The following SH3GL3 variants were observed in gnomAD, a reference collection of about 807,000 sequenced individuals.
SH3GL3 encodes SH3 domain containing GRB2 like 3, endophilin A3.
A neutral mutation model predicts 47.7 loss-of-function variants in SH3GL3; 33 were observed. The ratio of observed to expected loss-of-function variants is 0.69; its 90% CI spans 0.52 to 0.92. The LOEUF (loss-of-function observed/expected upper bound fraction) is 0.92. SH3GL3 is among the 40% of genes least tolerant of loss of function. The probability of loss-of-function intolerance (pLI) is 0.00; values close to 1 mark genes in which losing one functional copy is unlikely to be tolerated. For synonymous variants in SH3GL3, 155 were observed against 148.8 expected, an observed-to-expected ratio of 1.04 and a Z score of -0.30; for missense variants, 363 against 417.8, an observed-to-expected ratio of 0.87 and a Z score of 1.14.
At chr15:83,504,334 A>G (rs911153724) in intron 1 of SH3GL3, among the ~76,000 whole-genome samples, 1 of 152,220 alleles carries the variant, frequency 6.6e-6, no homozygotes, top group African/African-American at 2.4e-5. Context: ...AAGAAGCCAC[A>G]ATTGTGGTAG....
intron 6 of SH3GL3, among the ~76,000 whole-genome samples, chr15:83,579,210 A>G (rs1419112908): frequency 6.6e-6 from 1 of 152,236 alleles, no homozygotes; most frequent in Non-Finnish European, 1.5e-5. Flanking sequence ...CAGCAGAAGT[A>G]AGAGCTGGTT....
intron 6 of SH3GL3, among the ~76,000 whole-genome samples, chr15:83,585,355 C>T (rs1480500280): frequency 6.6e-6 from 1 of 152,168 alleles, no homozygotes; most frequent in African/African-American, 2.4e-5. Context: ...TTGCCCCCTT[C>T]CTGTTCCCCA....
intron 8 of SH3GL3, among the ~76,000 whole-genome samples, chr15:83,613,122 A>G (rs1344133112): frequency 6.6e-6 from 1 of 152,218 alleles, no homozygotes; most frequent in Non-Finnish European, 1.5e-5. Flanking sequence ...GTCCGGCTGC[A>G]TGTATAATTC....
Position 83,522,833 on chromosome 15 carries a change from G to A in SH3GL3, c.46-36420G>A, listed in dbSNP as rs1003056379. ...AAAAAGTCTGTGTAGGCTAGAGCAAGTTCAGTTGAAAACCTATTTTTAAAA... is the reference window on the plus strand; with the variant it reads ...AAAAAGTCTGTGTAGGCTAGAGCAAATTCAGTTGAAAACCTATTTTTAAAA... On this transcript the variant is annotated intron_variant, in intron 1 of 8. Coordinates refer to ENST00000427482, the MANE Select transcript of SH3GL3 (RefSeq NM_003027.5). Among the ~76,000 whole-genome samples, 29 of 152,150 alleles carry A rather than the reference G, an allele frequency of 1.9e-4. 2 individuals carry two copies. The highest frequency in any genetic ancestry group is 7.4e-5 in the Non-Finnish European group (5 of 68,024).
the SH3GL3 span, among the ~76,000 whole-genome samples, chr15:83,626,006 T>A: frequency 1.3e-5 from 2 of 152,200 alleles, no homozygotes; most frequent in African/African-American, 4.8e-5. Flanking sequence ...CTAATTTTTA[T>A]ATTTTTAGTA....
Position 83,526,858 on chromosome 15 carries a change from G to A in SH3GL3, c.46-32395G>A, listed in dbSNP as rs556746752. On this transcript the variant is annotated intron_variant, in intron 1 of 8. Coordinates refer to ENST00000427482, the MANE Select transcript of SH3GL3 (RefSeq NM_003027.5). Reference sequence around the variant, plus strand: ...TTCTTCTAACTCATGATCATAGGATGTCTTTCCATTTGCTTGTGTCCTCTT... The same window carrying A: ...TTCTTCTAACTCATGATCATAGGATATCTTTCCATTTGCTTGTGTCCTCTT... 2.0e-5 allele frequency among the ~76,000 whole-genome samples: 3 copies of A among 152,222 alleles called. No homozygotes were observed. The East Asian group carries it at 5.8e-4, about 29-fold the overall frequency.
At chr15:83,450,705 CT>C (rs71156082) in intron 1 of SH3GL3, among the ~76,000 whole-genome samples, 35,364 of 82,256 alleles carry the variant, frequency 0.43, 5,677 homozygotes, top group Middle Eastern at 0.52. Context: ...CCAAATTTTT[CT>C]TTTTTTTTTT....
intron 6 of SH3GL3, among the ~76,000 whole-genome samples, chr15:83,577,870 G>T (rs1161172903): frequency 1.3e-5 from 2 of 152,256 alleles, no homozygotes; most frequent in Non-Finnish European, 2.9e-5. Context: ...AGACTGAAAA[G>T]TACTTGGCAA....
At chr15:83,600,750 G>A (rs2060359385) in intron 8 of SH3GL3, among the ~76,000 whole-genome samples, 1 of 152,106 alleles carries the variant, frequency 6.6e-6, no homozygotes, top group Admixed American at 6.5e-5. Flanking sequence ...TTTTGATGAT[G>A]GGAATTGCAC....
intron 1 of SH3GL3, among the ~76,000 whole-genome samples, chr15:83,526,304 C>T (rs1452808007): frequency 1.3e-5 from 2 of 152,172 alleles, no homozygotes; most frequent in African/African-American, 4.8e-5. Flanking sequence ...GCCCAGCAAT[C>T]CCATTACTGG....
chr15:83,463,767 C>CTTTTTTTTTTT (rs910419812), intron 1 of SH3GL3, among the ~76,000 whole-genome samples: 1 of 122,924 alleles, frequency 8.1e-6, no homozygotes, highest in Non-Finnish European at 1.7e-5. Context: ...TTCTTTCTTT[C>CTTTTTTTTTTT]TTTTTTTTTT....
chr15:83,565,664 AT>A (rs2045499127), intron 3 of SH3GL3: 1 of 152,452 alleles, frequency 6.6e-6, no homozygotes, highest in Non-Finnish European at 1.5e-5. Flanking sequence ...GGCTGCTTAA[AT>A]CCAGTGTCAC....
chr15:83,486,513 T>C (rs2041604046), intron 1 of SH3GL3, among the ~76,000 whole-genome samples: 2 of 152,246 alleles, frequency 1.3e-5, no homozygotes, highest in Non-Finnish European at 2.9e-5. Context: ...TTTTGTGTTT[T>C]GCTTCTTTTA....
intron 1 of SH3GL3, among the ~76,000 whole-genome samples, chr15:83,506,214 T>G (rs1031251875): frequency 6.6e-6 from 1 of 152,252 alleles, no homozygotes; most frequent in Admixed American, 6.5e-5. Flanking sequence ...GGTTTTATTT[T>G]TATGTTTTCA....
chr15:83,511,937 A>G (rs1200669817), intron 1 of SH3GL3, among the ~76,000 whole-genome samples: 1 of 152,182 alleles, frequency 6.6e-6, no homozygotes, highest in African/African-American at 2.4e-5. Context: ...CACTTGGAAC[A>G]ATACTGGACC....
chr15:83,611,637 A>G (rs1333501891), intron 8 of SH3GL3: 3 of 152,440 alleles, frequency 2.0e-5, no homozygotes, highest in Non-Finnish European at 4.4e-5. Context: ...TGGATGAGGA[A>G]CTGCCAGCTG....
intron 1 of SH3GL3, among the ~76,000 whole-genome samples, chr15:83,537,683 A>C (rs1802756208): frequency 6.6e-6 from 1 of 152,024 alleles, no homozygotes; most frequent in African/African-American, 2.4e-5. Flanking sequence ...TTATTTTTAC[A>C]TTGTTTAGAC....
chr15:83,489,226 A>G lies in SH3GL3; in HGVS notation c.45+41648A>G, dbSNP rs529245254. On this transcript the variant is annotated intron_variant, in intron 1 of 8. Coordinates refer to ENST00000427482, the MANE Select transcript of SH3GL3 (RefSeq NM_003027.5). ...GTTCTTGGGTTTGACTCTGGGAATC[A>G]TGCTCATTGATCTGCTTTTCCTAAT... The G allele has an allele frequency of 5.3e-5, 8 of 152,326 alleles. No homozygotes were observed. In the South Asian group the frequency reaches 1.7e-3, roughly 32 times the overall value. 9.4% of individuals were successfully genotyped at this position (152,326 alleles called of 1,614,324 possible).
chr15:83,478,045 G>C (rs1018707500), intron 1 of SH3GL3, among the ~76,000 whole-genome samples: 10 of 152,156 alleles, frequency 6.6e-5, no homozygotes, highest in Non-Finnish European at 1.3e-4. Flanking sequence ...ATGTGGATGT[G>C]AGGTGGGTGA....
Sources: gnomAD v4.1 joint callset for allele counts (sites outside exome capture counted in the v4.1 genomes callset) on GRCh38, gnomAD v4.1.1 for gene constraint, MANE v1.5 for transcripts, NCBI Gene and HGNC (gene_info 2026-07-23, HGNC 2026-07-21) for gene names.